The following FBXL7 variants were observed in gnomAD, a reference collection of about 807,000 sequenced individuals.
FBXL7 encodes F-box/LRR-repeat protein 7.
Under a neutral mutation model 38.3 loss-of-function variants are expected in FBXL7, and 12 were observed. The observed-to-expected ratio is 0.31, with a 90% CI of 0.20 to 0.51. FBXL7 has a LOEUF of 0.51. Ranked by LOEUF, FBXL7 falls within the 20% of genes least tolerant of loss-of-function variation. The pLI, the probability that FBXL7 is intolerant of heterozygous loss-of-function variation, is 0.98. For missense variants in FBXL7, 567 were observed against 676.4 expected (o/e 0.84, Z 1.79); for synonymous variants, 297 against 300.9 (o/e 0.99, Z 0.13).
In FBXL7 at chr5:15,734,091, G is replaced by A. The variant is rs1192649459; in HGVS notation, c.127+118019G>A. Among the ~76,000 whole-genome samples the A allele has an allele frequency of 2.0e-5, 3 of 150,368 alleles. No individual in the cohort carries two copies. The East Asian group carries it at 5.9e-4, about 30-fold the overall frequency. On this transcript the variant is annotated intron_variant, in intron 2 of 3. Transcript: ENST00000504595. Reference sequence around the variant, plus strand: ...GATTGTGCCACTGCACCCCAGCCTGGGCTATAGAGGAAGACTGGGTCTCAA... The same window carrying A: ...GATTGTGCCACTGCACCCCAGCCTGAGCTATAGAGGAAGACTGGGTCTCAA...
chr5:15,526,961 T>C (rs1737266573), intron 1 of FBXL7, among the ~76,000 whole-genome samples: 1 of 152,186 alleles, frequency 6.6e-6, no homozygotes. Flanking sequence ...ATGGGTTTAT[T>C]TCAAAATGAA....
chr5:15,635,911 G>C (rs1741174147), intron 2 of FBXL7, among the ~76,000 whole-genome samples: 1 of 131,262 alleles, frequency 7.6e-6, no homozygotes, highest in Admixed American at 7.7e-5. Flanking sequence ...CCCATTTTTA[G>C]CCTTTTTTTT....
chr5:15,594,078 G>T (rs554060074), intron 1 of FBXL7, among the ~76,000 whole-genome samples: 62 of 152,236 alleles, frequency 4.1e-4, no homozygotes, highest in Non-Finnish European at 8.4e-4. Flanking sequence ...CTCACAATAT[G>T]TTCTATATAC....
In FBXL7 at chr5:15,774,577, A is replaced by T. The variant is rs906288100; in HGVS notation, c.128-153313A>T. On this transcript the variant is annotated intron_variant, in intron 2 of 3. Transcript: ENST00000504595. ...GTGGCATATTCCCACCATAATATGG[A>T]CTCCAGATTTCTGTCCTGTCCTGAT... 6.6e-5 allele frequency among the ~76,000 whole-genome samples: 10 copies of T among 152,004 alleles called. 1 individual carries two copies. The highest frequency in any genetic ancestry group is 6.6e-4 in the Admixed American group (10 of 15,246).
intron 2 of FBXL7, among the ~76,000 whole-genome samples, chr5:15,731,671 C>G (rs1735588532): frequency 6.6e-6 from 1 of 152,206 alleles, no homozygotes; most frequent in East Asian, 1.9e-4. Context: ...TCATGAAAGC[C>G]TTTCTTTAAT....
intron 1 of FBXL7, among the ~76,000 whole-genome samples, chr5:15,555,781 G>C (rs1738208539): frequency 1.0e-5 from 1 of 99,048 alleles, no homozygotes; most frequent in African/African-American, 4.7e-5. Flanking sequence ...GAGAAGGGTA[G>C]ATGAGATAGA....
chr5:15,674,937 C>T (rs144134041), intron 2 of FBXL7, among the ~76,000 whole-genome samples: 1 of 152,306 alleles, frequency 6.6e-6, no homozygotes, highest in East Asian at 1.9e-4. Context: ...CTCTGGAATT[C>T]ACAGCACTGC....
chr5:15,728,961 T>A (rs1251605281), intron 2 of FBXL7, among the ~76,000 whole-genome samples: 1 of 152,162 alleles, frequency 6.6e-6, no homozygotes, highest in African/African-American at 2.4e-5. Context: ...GTAATCTGAT[T>A]TAGTTCCATG....
At chr5:15,725,073 C>A (rs965888702) in intron 2 of FBXL7, among the ~76,000 whole-genome samples, 1 of 152,192 alleles carries the variant, frequency 6.6e-6, no homozygotes, top group Non-Finnish European at 1.5e-5. Flanking sequence ...ACTATTTACA[C>A]TTTCTGTGTC....
chr5:15,925,386 C>T (rs922898568), intron 2 of FBXL7, among the ~76,000 whole-genome samples: 5 of 152,182 alleles, frequency 3.3e-5, no homozygotes, highest in African/African-American at 4.8e-5. Context: ...TGGGGCAGCA[C>T]ATAATTCAAA....
intron 2 of FBXL7, among the ~76,000 whole-genome samples, chr5:15,863,995 T>C (rs1176323689): frequency 6.6e-6 from 1 of 152,078 alleles, no homozygotes; most frequent in African/African-American, 2.4e-5. Flanking sequence ...GGATGGGTAT[T>C]GAGGACTGTG....
rs1361266418 is a variant in FBXL7, at chr5:15,756,417, G to A, written c.127+140345G>A. On this transcript the variant is annotated intron_variant, in intron 2 of 3. Transcript: ENST00000504595. ...AATCTTACTTACCTCATCCTTATAA[G>A]CATTTCAGTGTTAGCTGAAAGTAAA... is the stretch of plus-strand genomic sequence containing the variant. Among the ~76,000 whole-genome samples, 26 of 152,060 alleles carry A rather than the reference G, an allele frequency of 1.7e-4. 1 individual carries two copies. Among genetic ancestry groups the A allele is most frequent in the Admixed American group, 1.7e-3 (26 of 15,264 alleles).
At chr5:15,746,965 G>A (rs2126680838) in intron 2 of FBXL7, among the ~76,000 whole-genome samples, 1 of 152,090 alleles carries the variant, frequency 6.6e-6, no homozygotes, top group East Asian at 1.9e-4. Context: ...ACTCACTCTG[G>A]CTTCCTGTAC....
At position 15,936,427 on chromosome 5, in the gene FBXL7, C is replaced by G. The variant is rs1742187534; in HGVS notation, c.740-23C>G. On this transcript the variant is annotated intron_variant, in intron 3 of 3. Transcript: ENST00000504595. This position sits in a 1 kb window ranked among gnomAD's most constrained non-coding sequence, Gnocchi z 6.0. ...CCCCTGCTGGCAGGTTGCTCTGAGC[C>G]TGTGTTCTGTCTCTTTGTGCAGGAT... 1 of 1,602,282 alleles carries G rather than the reference C, an allele frequency of 6.2e-7. No individual in the cohort carries two copies. The highest frequency in any genetic ancestry group is 1.1e-5 in the South Asian group (1 of 89,938).
chr5:15,933,312 A>G (rs1441452375), intron 3 of FBXL7, among the ~76,000 whole-genome samples: 1 of 152,172 alleles, frequency 6.6e-6, no homozygotes, highest in Non-Finnish European at 1.5e-5. Context: ...CAAAGTATAC[A>G]TTTTCCTGGA....
chr5:15,736,570 G>A (rs982203517), intron 2 of FBXL7, among the ~76,000 whole-genome samples: 1 of 152,140 alleles, frequency 6.6e-6, no homozygotes, highest in Admixed American at 6.6e-5. Flanking sequence ...TTATTTCTAA[G>A]TGCAAAAGTA....
At chr5:15,732,704 CT>C (rs1735624114) in intron 2 of FBXL7, among the ~76,000 whole-genome samples, 1 of 152,146 alleles carries the variant, frequency 6.6e-6, no homozygotes, top group South Asian at 2.1e-4. Flanking sequence ...CAATATCCTC[CT>C]ATTTGGAACT....
intron 2 of FBXL7, among the ~76,000 whole-genome samples, chr5:15,676,198 G>A (rs1742648642): frequency 6.6e-6 from 1 of 152,170 alleles, no homozygotes; most frequent in African/African-American, 2.4e-5. Flanking sequence ...GCTCACGCCT[G>A]TAATTATCCG....
At chr5:15,550,770 C>T (rs16903916) in intron 1 of FBXL7, among the ~76,000 whole-genome samples, 5 of 152,252 alleles carry the variant, frequency 3.3e-5, no homozygotes, top group Admixed American at 6.5e-5. Context: ...ATGCCTTGCT[C>T]ATTCCGGGAC....
Sources: gnomAD v4.1 joint callset for allele counts (sites outside exome capture counted in the v4.1 genomes callset) on GRCh38, gnomAD v4.1.1 for gene constraint, Gnocchi (gnomAD v3.1) non-coding constraint, MANE v1.5 for transcripts, NCBI Gene and HGNC (gene_info 2026-07-23, HGNC 2026-07-21) for gene names.